Variants in HIVEP3 observed in about 807,000 individuals in gnomAD.
HIVEP3 encodes transcription factor HIVEP3.
HIVEP3 carries 49 observed loss-of-function variants against 152.8 expected under a neutral mutation model. The observed-to-expected ratio is 0.32, with a 90% CI of 0.26 to 0.41. The LOEUF is 0.41. HIVEP3 is among the 10% of genes least tolerant of loss of function. HIVEP3 has a pLI of 1.00. For synonymous variants in HIVEP3, 1,269 were observed against 1,289.0 expected (o/e 0.98, Z 0.33); for missense variants, 2,790 against 3,103.3 (o/e 0.90, Z 2.40).
chr1:41,682,584 C>T (rs1646056548), intron 2 of HIVEP3, among the ~76,000 whole-genome samples: 1 of 152,108 alleles, frequency 6.6e-6, no homozygotes, highest in South Asian at 2.1e-4. Context: ...TCTAGACAAA[C>T]CAAAGAAATG....
intron 1 of HIVEP3, among the ~76,000 whole-genome samples, chr1:42,032,416 C>A (rs765332165): frequency 9.9e-5 from 15 of 152,226 alleles, no homozygotes; most frequent in Non-Finnish European, 2.9e-5. Context: ...AGCTGCAACA[C>A]CCGTTGGGAA....
At chr1:41,639,417 T>C (rs993373595) in intron 2 of HIVEP3, among the ~76,000 whole-genome samples, 9 of 152,200 alleles carry the variant, frequency 5.9e-5, no homozygotes, top group Non-Finnish European at 1.3e-4. Flanking sequence ...TAGCTCACTT[T>C]CCTCATGAGT....
chr1:41,651,915 C>T (rs191116845), intron 2 of HIVEP3, among the ~76,000 whole-genome samples: 1 of 152,262 alleles, frequency 6.6e-6, no homozygotes, highest in East Asian at 1.9e-4. Context: ...TTATCTTTTG[C>T]ACATTTTTAA....
rs1416575668 is a variant in HIVEP3, at chr1:41,658,785, C to T, written c.-720-29838G>A. Among the ~76,000 whole-genome samples, 2 of 152,200 alleles carry T rather than the reference C, an allele frequency of 1.3e-5. 1 individual carries two copies. Among genetic ancestry groups the T allele is most frequent in the South Asian group, 4.1e-4 (2 of 4,824 alleles). ...GAGTGCTCTGCAGCCGATCAGGAACCGCACAGATGTATGACATCATGGTTA... is the reference window on the plus strand; with the variant it reads ...GAGTGCTCTGCAGCCGATCAGGAACTGCACAGATGTATGACATCATGGTTA... On this transcript the variant is annotated intron_variant, in intron 2 of 8. Transcript: ENST00000372583.
At chr1:41,562,745 A>T (rs1026158086) in intron 5 of HIVEP3, among the ~76,000 whole-genome samples, 10 of 152,134 alleles carry the variant, frequency 6.6e-5, no homozygotes, top group African/African-American at 2.4e-4. Flanking sequence ...CTGGAAAGAG[A>T]TGAATGACTG....
Position 41,510,715 on chromosome 1 carries a change from G to A in HIVEP3, c.6957C>T (p.Pro2319=), listed in dbSNP as rs1423919556. 3 of 1,532,586 alleles carry A rather than the reference G, an allele frequency of 2.0e-6. No homozygotes were observed. The highest frequency in any genetic ancestry group is 2.0e-5 in the Admixed American group (1 of 50,780). The allele number at this position is 1,532,586 out of a possible 1,614,324, so 94.9% of individuals were successfully genotyped here. Reference sequence around the variant, plus strand: ...AGGACTGCGCTGCCCGGCGTCCCTGGGGCGGCCGGGGCAAGGTGTCGGGTG... The same window carrying A: ...AGGACTGCGCTGCCCGGCGTCCCTGAGGCGGCCGGGGCAAGGTGTCGGGTG... ...CTPPDTLPRP[P]QGRRAAQSWS... is the part of the protein sequence containing the mutation. Residue 2319 remains proline (P), a synonymous_variant, in exon 9 of 9, where the codon CCC becomes CCT. Transcript: ENST00000372583.
intron 1 of HIVEP3, among the ~76,000 whole-genome samples, chr1:41,752,868 G>A (rs554313871): frequency 8.5e-5 from 13 of 152,324 alleles, no homozygotes; most frequent in South Asian, 6.2e-4. Flanking sequence ...CCTTCTCTCC[G>A]CTGGACAATC....
At chr1:41,528,222 CCACCCTCA>C (rs997860155) in intron 5 of HIVEP3, among the ~76,000 whole-genome samples, 1 of 137,382 alleles carries the variant, frequency 7.3e-6, no homozygotes, top group Non-Finnish European at 1.6e-5. Context: ...CCTTCACACT[CCACCCTCA>C]CACCCTCACA....
At chr1:41,675,754 A>C (rs1036238837) in intron 2 of HIVEP3, among the ~76,000 whole-genome samples, 2 of 152,228 alleles carry the variant, frequency 1.3e-5, no homozygotes, top group Admixed American at 6.5e-5. Context: ...AATTCCCTGC[A>C]CCTGGCATAG....
chr1:41,837,870 A>T (rs1408691116), intron 1 of HIVEP3, among the ~76,000 whole-genome samples: 1 of 152,102 alleles, frequency 6.6e-6, no homozygotes, highest in African/African-American at 2.4e-5. Context: ...GATTCTGGCC[A>T]TCTCTGTCTC....
intron 1 of HIVEP3, among the ~76,000 whole-genome samples, chr1:41,970,952 T>C (rs1198763300): frequency 1.3e-5 from 2 of 152,194 alleles, no homozygotes; most frequent in African/African-American, 4.8e-5. Context: ...TTATTTTGGA[T>C]TTCTGGCCTC....
chr1:41,813,429 C>T (rs910686981), intron 1 of HIVEP3, among the ~76,000 whole-genome samples: 2 of 152,218 alleles, frequency 1.3e-5, no homozygotes, highest in East Asian at 3.8e-4. Context: ...CCAGCTGGTC[C>T]TCCTCCCAAA....
intron 1 of HIVEP3, among the ~76,000 whole-genome samples, chr1:41,712,555 A>T (rs763780922): frequency 1.5e-4 from 23 of 152,246 alleles, no homozygotes; most frequent in Non-Finnish European, 2.2e-4. Flanking sequence ...GTCAGGGCCG[A>T]TGCTAACAGT....
At chr1:41,938,910 G>C (rs1645032786) in intron 1 of HIVEP3, among the ~76,000 whole-genome samples, 1 of 152,188 alleles carries the variant, frequency 6.6e-6, no homozygotes, top group African/African-American at 2.4e-5. Context: ...AAATGCTGCT[G>C]TTCATATCAA....
At chr1:41,620,525 T>C (rs976055395) in intron 3 of HIVEP3, among the ~76,000 whole-genome samples, 2 of 152,174 alleles carry the variant, frequency 1.3e-5, no homozygotes, top group Non-Finnish European at 2.9e-5. Flanking sequence ...TACTCAGTCC[T>C]CAAGCTTTGG....
At chr1:41,578,631 T>G (rs1217987753) in intron 4 of HIVEP3, among the ~76,000 whole-genome samples, 2 of 152,226 alleles carry the variant, frequency 1.3e-5, no homozygotes, top group Non-Finnish European at 2.9e-5. Flanking sequence ...CTAATAAACA[T>G]TTTTTAATTT....
chr1:41,625,523 T>G (rs1236749339), intron 3 of HIVEP3, among the ~76,000 whole-genome samples: 5 of 152,134 alleles, frequency 3.3e-5, no homozygotes, highest in Non-Finnish European at 5.9e-5. Context: ...AAAACAGAGG[T>G]GTCGCTAATA....
chr1:41,554,942 C>T (rs999831159), intron 5 of HIVEP3, among the ~76,000 whole-genome samples: 10 of 152,184 alleles, frequency 6.6e-5, no homozygotes, highest in East Asian at 3.9e-4. Flanking sequence ...TTAGGCTACA[C>T]GGGGGTCAAG....
intron 1 of HIVEP3, among the ~76,000 whole-genome samples, chr1:41,976,542 T>C (rs1645260294): frequency 6.6e-6 from 1 of 152,246 alleles, no homozygotes; most frequent in South Asian, 2.1e-4. Context: ...AATTTCCATA[T>C]TTTGCTATCT....
Sources: gnomAD v4.1 joint callset for allele counts (sites outside exome capture counted in the v4.1 genomes callset) on GRCh38, gnomAD v4.1.1 for gene constraint, MANE v1.5 for transcripts, NCBI Gene and HGNC (gene_info 2026-07-23, HGNC 2026-07-21) for gene names.